The following SNX29 variants were observed in gnomAD, a reference collection of about 807,000 sequenced individuals.
SNX29 encodes sorting nexin 29, also known as sorting nexin-29.
A neutral mutation model predicts 102.1 loss-of-function variants in SNX29; 78 were observed. That is an observed-to-expected ratio of 0.76 (90% confidence interval 0.64 to 0.92). SNX29 has a LOEUF of 0.92. SNX29 is among the 40% of genes least tolerant of loss of function. The pLI is 0.00. For missense variants in SNX29, 1,280 were observed against 1,061.7 expected (o/e 1.21, Z -2.86); for synonymous variants, 580 against 414.5 (o/e 1.40, Z -4.85).
chr16:12,269,283 C>G (rs2079023113), intron 14 of SNX29, among the ~76,000 whole-genome samples: 1 of 152,124 alleles, frequency 6.6e-6, no homozygotes, highest in African/African-American at 2.4e-5. Context: ...TAGATGTTAA[C>G]TAGGTTGATT....
At chr16:12,130,474 C>CAAAAAAAAAAAAAAAAA (rs71139578) in intron 13 of SNX29, among the ~76,000 whole-genome samples, 1 of 56,148 alleles carries the variant, frequency 1.8e-5, no homozygotes, top group Non-Finnish European at 3.5e-5. Flanking sequence ...GACTCCGTCT[C>CAAAAAAAAAAAAAAAAA]AAAAAAAAAA....
intron 13 of SNX29, among the ~76,000 whole-genome samples, chr16:12,165,195 G>T (rs1216802055): frequency 6.6e-6 from 1 of 152,234 alleles, no homozygotes; most frequent in African/African-American, 2.4e-5. Flanking sequence ...GAGTAGGCCT[G>T]TGTTTTTGCT....
intron 20 of SNX29, among the ~76,000 whole-genome samples, chr16:12,552,321 GA>G (rs1567181850): frequency 6.6e-6 from 1 of 152,140 alleles, no homozygotes; most frequent in East Asian, 1.9e-4. Flanking sequence ...GGTGATAATG[GA>G]ACTCCTCTCC....
At chr16:12,125,605 C>CTTTTTTTTTT (rs36212472) in intron 11 of SNX29, among the ~76,000 whole-genome samples, 2 of 45,406 alleles carry the variant, frequency 4.4e-5, no homozygotes, top group Admixed American at 2.8e-4. Flanking sequence ...TGAGATCTCT[C>CTTTTTTTTTT]TTTTTTTTTT....
intron 20 of SNX29, among the ~76,000 whole-genome samples, chr16:12,562,907 G>A (rs529921387): frequency 2.6e-5 from 4 of 152,130 alleles, no homozygotes; most frequent in Admixed American, 6.5e-5. Context: ...CGATGTGCTT[G>A]AGATTCGTCC....
intron 3 of SNX29, among the ~76,000 whole-genome samples, chr16:12,026,915 A>G (rs1335675836): frequency 6.6e-6 from 1 of 152,204 alleles, no homozygotes; most frequent in African/African-American, 2.4e-5. Context: ...TGTTCCTTAA[A>G]CTACATGTAA....
At chr16:12,548,137 A>G (rs2077726246) in intron 20 of SNX29, among the ~76,000 whole-genome samples, 1 of 152,108 alleles carries the variant, frequency 6.6e-6, no homozygotes, top group Non-Finnish European at 1.5e-5. Context: ...GGAATTTTCT[A>G]TCCCTGTTCA....
intron 19 of SNX29, among the ~76,000 whole-genome samples, chr16:12,502,376 A>T (rs2089167584): frequency 6.6e-6 from 1 of 152,134 alleles, no homozygotes; most frequent in Non-Finnish European, 1.5e-5. Context: ...GGATTGAGTG[A>T]TTCGGGGAAT....
chr16:12,552,225 C>G (rs779119791), intron 20 of SNX29, among the ~76,000 whole-genome samples: 38 of 151,712 alleles, frequency 2.5e-4, no homozygotes, highest in Non-Finnish European at 4.1e-4. Flanking sequence ...AGTCAGACAT[C>G]CAGCACCATG....
chr16:12,572,034 C>T lies in SNX29; in HGVS notation c.*3405C>T. The T allele has an allele frequency of 9.4e-7, 1 of 1,063,238 alleles. No homozygotes were observed. The highest frequency in any genetic ancestry group is 1.1e-6 in the Non-Finnish European group (1 of 878,032). 65.9% of individuals were successfully genotyped at this position (1,063,238 alleles called of 1,614,324 possible). ...AGCTGCTGGCTATAAAAGGGATCAT[C>T]CAGTGGAGTTGTAAACAAGGGAACC... On this transcript the variant is annotated 3_prime_UTR_variant, in exon 21 of 21. Coordinates refer to ENST00000566228, the MANE Select transcript of SNX29 (RefSeq NM_032167.5).
At chr16:12,407,043 T>C (rs2084194231) in intron 18 of SNX29, among the ~76,000 whole-genome samples, 1 of 152,248 alleles carries the variant, frequency 6.6e-6, no homozygotes. Context: ...CACAGAGGTC[T>C]GCAGGGCGGC....
Position 12,562,989 on chromosome 16 carries a change from A to C in SNX29, c.2319-5517A>C, listed in dbSNP as rs192077887. ...CAAGGGGTGAGGGCTGATGCGTAAG[A>C]AAAACTGCTTCAATGCGCCTTTCAA... On this transcript the variant is annotated intron_variant, in intron 20 of 20. Coordinates refer to ENST00000566228, the MANE Select transcript of SNX29 (RefSeq NM_032167.5). 1.5e-3 allele frequency among the ~76,000 whole-genome samples: 197 copies of C among 130,684 alleles called. 1 individual carries two copies. In the Middle Eastern group the frequency reaches 0.045, roughly 30 times the overall value. 85.7% of individuals were successfully genotyped at this position (130,684 alleles called of 152,430 possible).
chr16:12,043,263 C>T (rs2049959228), intron 5 of SNX29, among the ~76,000 whole-genome samples, 186 bp downstream of exon 5: 1 of 152,082 alleles, frequency 6.6e-6, no homozygotes, highest in Non-Finnish European at 1.5e-5. Context: ...GAGAGACTGC[C>T]TGTAAAGGGC....
intron 19 of SNX29, among the ~76,000 whole-genome samples, chr16:12,500,022 T>C (rs2089034681): frequency 6.6e-6 from 1 of 151,954 alleles, no homozygotes; most frequent in African/African-American, 2.4e-5. Flanking sequence ...GATAGGATCT[T>C]GCACTGTCAC....
chr16:12,333,123 T>TTTTTTAGG (rs2081345065), intron 15 of SNX29, among the ~76,000 whole-genome samples: 1 of 151,032 alleles, frequency 6.6e-6, no homozygotes. Flanking sequence ...TTTTTTTTTT[T>TTTTTTAGG]GAGGCAGAGT....
intron 18 of SNX29, among the ~76,000 whole-genome samples, chr16:12,405,455 C>A (rs2084122234): frequency 6.6e-6 from 1 of 152,228 alleles, no homozygotes; most frequent in Non-Finnish European, 1.5e-5. Flanking sequence ...AGCCTCAGGC[C>A]TGGCCGCTCT....
intron 18 of SNX29, among the ~76,000 whole-genome samples, chr16:12,438,273 T>A (rs1276113912): frequency 1.3e-5 from 2 of 152,122 alleles, no homozygotes; most frequent in Admixed American, 6.5e-5. Flanking sequence ...CCCCACCTGG[T>A]TTCTAGCCAA....
intron 13 of SNX29, among the ~76,000 whole-genome samples, chr16:12,153,083 G>C (rs1285777908): frequency 6.6e-6 from 1 of 152,240 alleles, no homozygotes; most frequent in African/African-American, 2.4e-5. Flanking sequence ...AGCCTTGGCT[G>C]TTTTTAGTCA....
intron 18 of SNX29, among the ~76,000 whole-genome samples, chr16:12,446,787 G>A (rs995764411): frequency 6.6e-6 from 1 of 152,120 alleles, no homozygotes; most frequent in East Asian, 1.9e-4. Context: ...CTCTCAATAT[G>A]AAATGGCCGT....
Sources: allele counts gnomAD v4.1 joint callset (sites outside exome capture counted in the v4.1 genomes callset), GRCh38; gene constraint gnomAD v4.1.1; transcripts MANE v1.5; gene names NCBI Gene and HGNC (gene_info 2026-07-23, HGNC 2026-07-21).